Variants in RADIL observed in about 807,000 individuals in gnomAD.
RADIL encodes the protein Rap associating with DIL domain.
Under a neutral mutation model 97.6 loss-of-function variants are expected in RADIL, and 99 were observed. That is an observed-to-expected ratio of 1.01 (90% CI 0.86 to 1.20). RADIL has a LOEUF of 1.20. RADIL is among the 50% of genes most tolerant of loss of function. RADIL has a pLI of 0.00. For synonymous variants in RADIL, 803 were observed against 691.8 expected, an observed-to-expected ratio of 1.16 and a Z score of -2.52; for missense variants, 1,765 against 1,498.9, an observed-to-expected ratio of 1.18 and a Z score of -2.93.
chr7:4,839,991 C>T (rs1411510464), intron 2 of RADIL, among the ~76,000 whole-genome samples: 1 of 152,162 alleles, frequency 6.6e-6, no homozygotes, highest in African/African-American at 2.4e-5. Context: ...TCAAGTGATC[C>T]GCCCACCTCG....
chr7:4,824,979 G>A lies in RADIL; in HGVS notation c.1455-2425C>T, dbSNP rs1002761658. 3.3e-5 allele frequency among the ~76,000 whole-genome samples: 5 copies of A among 152,256 alleles called. No individual in the cohort carries two copies. In the South Asian group the frequency reaches 6.2e-4, roughly 19 times the overall value. Reference sequence around the variant, plus strand: ...CTCGGGCCAGGTTGGCACTGAACGCGCCCCCACCTGCCAACCTGGGGCCAT... The same window carrying A: ...CTCGGGCCAGGTTGGCACTGAACGCACCCCCACCTGCCAACCTGGGGCCAT... On this transcript the variant is annotated intron_variant, in intron 5 of 14. Coordinates refer to ENST00000399583, the MANE Select transcript of RADIL (RefSeq NM_018059.5). The surrounding 1 kb of genome is among the most constrained non-coding windows in gnomAD (Gnocchi z 6.7).
At chr7:4,805,048 T>C (rs529975588) in intron 10 of RADIL, among the ~76,000 whole-genome samples, 3 of 151,402 alleles carry the variant, frequency 2.0e-5, no homozygotes, top group Admixed American at 6.6e-5. Flanking sequence ...GAGCTGAGAT[T>C]GCACCACTGC....
At position 4,834,678 on chromosome 7, in the gene RADIL, T is replaced by G; in HGVS notation, c.1345A>C (p.Thr449Pro). Residue 449 changes from threonine (T) to proline (P), a missense_variant, in exon 4 of 15, where the codon ACC (threonine) becomes CCC (proline). Transcript: ENST00000399583. This position sits in a 1 kb window ranked among gnomAD's most constrained non-coding sequence, Gnocchi z 6.0. ...CCGAATGTGCCCGGCTGGAAGTGGG[T>G]GGCCGAGTGCTGGATGCAGAGGCAC... ...LLCLCIQHSA[T>P]HFQPGTFGQL... The G allele has an allele frequency of 7.3e-7, 1 of 1,376,384 alleles. No individual in the cohort carries two copies. 85.3% of individuals were successfully genotyped at this position (1,376,384 alleles called of 1,614,324 possible). A position where few individuals can be genotyped will look rare whatever the true frequency, so the allele number is the denominator to read the frequency against.
At chr7:4,844,118 A>G (rs1291371659) in intron 2 of RADIL, among the ~76,000 whole-genome samples, 1 of 152,086 alleles carries the variant, frequency 6.6e-6, no homozygotes, top group Non-Finnish European at 1.5e-5. Context: ...CCAGTACAAC[A>G]GGCAGGGAAA....
intron 13 of RADIL, 147 bp from the exon 14 acceptor site, chr7:4,799,916 G>C: frequency 1.6e-6 from 2 of 1,272,748 alleles, no homozygotes; most frequent in Non-Finnish European, 2.1e-6. Context: ...CTCCAGAAAA[G>C]CAGTGGACAC....
rs549427972 is a variant in RADIL, at chr7:4,871,961, C to G, written c.535+5644G>C. ...CTCTTTACAAAGTGCGCATCCAAAGCCACGGTGATGTCCCTGTCTCCAGGA... is the reference window on the plus strand; with the variant it reads ...CTCTTTACAAAGTGCGCATCCAAAGGCACGGTGATGTCCCTGTCTCCAGGA... On this transcript the variant is annotated intron_variant, in intron 2 of 14. Transcript: ENST00000399583. Among the ~76,000 whole-genome samples the G allele has an allele frequency of 2.0e-5, 3 of 152,312 alleles. No individual in the cohort carries two copies. The South Asian group carries it at 6.2e-4, about 32-fold the overall frequency.
In RADIL at chr7:4,880,775, A is replaced by C. The variant is rs1471440279; in HGVS notation, c.-64-2572T>G. Among the ~76,000 whole-genome samples, 1 of 152,180 alleles carries C rather than the reference A, an allele frequency of 6.6e-6. No homozygotes were observed. The highest frequency in any genetic ancestry group is 1.5e-5 in the Non-Finnish European group (1 of 68,032). On this transcript the variant is annotated intron_variant, in intron 1 of 14. Coordinates refer to ENST00000399583, the MANE Select transcript of RADIL (RefSeq NM_018059.5). This position sits in a 1 kb window ranked among gnomAD's most constrained non-coding sequence, Gnocchi z 4.5. ...AAGTCTGAATGCTGATATAAATACG[A>C]TACCAAAAACTGGGGAAGCCCCCTC...
Position 4,801,913 on chromosome 7 carries a change from C to T in RADIL, c.2582G>A (p.Arg861Gln), listed in dbSNP as rs966309842. 9.6e-6 allele frequency: 15 copies of T among 1,567,776 alleles called. No homozygotes were observed. The highest frequency in any genetic ancestry group is 2.3e-5 in the South Asian group (2 of 85,824). Residue 861 changes from arginine to glutamine, a missense_variant, in exon 12 of 15, where the codon CGG becomes CAG. By Grantham distance (43) the Arg-to-Gln change is conservative. Transcript: ENST00000399583. ...LAPRDPGPAA[R>Q]EVAPERTLPL... Reference sequence around the variant, plus strand: ...AAGAGTACGCTCCGGGGCCACTTCCCGGGCTGCTGGGCCAGGGTCCCTGGG... The same window carrying T: ...AAGAGTACGCTCCGGGGCCACTTCCTGGGCTGCTGGGCCAGGGTCCCTGGG...
At chr7:4,805,537 G>C in intron 10 of RADIL, 29 bp downstream of exon 10, 6 of 1,552,512 alleles carry the variant, frequency 3.9e-6, no homozygotes, top group Non-Finnish European at 5.2e-6. Context: ...TGAGTCCCCA[G>C]CCCTCTCCTG....
At position 4,880,112 on chromosome 7, in the gene RADIL, G is replaced by T. The variant is rs1048546748; in HGVS notation, c.-64-1909C>A. Among the ~76,000 whole-genome samples the T allele has an allele frequency of 6.6e-6, 1 of 152,180 alleles. No individual in the cohort carries two copies. The highest frequency in any genetic ancestry group is 2.4e-5 in the African/African-American group (1 of 41,448). On this transcript the variant is annotated intron_variant, in intron 1 of 14. Transcript: ENST00000399583. This position sits in a 1 kb window ranked among gnomAD's most constrained non-coding sequence, Gnocchi z 4.5. ...ACGGCAAAGGCTTTCGCTGTGCCTGGCTTTCTGAAGAGGTGAATTTGCTGT... is the reference window on the plus strand; with the variant it reads ...ACGGCAAAGGCTTTCGCTGTGCCTGTCTTTCTGAAGAGGTGAATTTGCTGT...
intron 2 of RADIL, among the ~76,000 whole-genome samples, chr7:4,875,148 T>C (rs185577549): frequency 0.048 from 6,412 of 133,772 alleles, 524 homozygotes; most frequent in African/African-American, 0.13. Flanking sequence ...GCCGAGATTG[T>C]GCCACTGCAC....
Position 4,816,270 on chromosome 7 carries a change from A to T in RADIL, c.1924T>A (p.Phe642Ile). ...VASQMLAYLF[F>I]FSGTLLLNQL... is the part of the protein sequence containing the mutation. ...TTGAGAAGCAGTGTCCCGGAGAAGAAGAAGAGGTAGGCGAGCATCTGCGAG... is the reference window on the plus strand; with the variant it reads ...TTGAGAAGCAGTGTCCCGGAGAAGATGAAGAGGTAGGCGAGCATCTGCGAG... Residue 642 changes from phenylalanine (F) to isoleucine (I), a missense_variant, in exon 8 of 15, where the codon TTC (phenylalanine) becomes ATC (isoleucine). Physicochemically the swap from Phe to Ile is conservative, Grantham distance 21 (BLOSUM62 0). Coordinates refer to ENST00000399583, the MANE Select transcript of RADIL (RefSeq NM_018059.5). 6.2e-7 allele frequency: 1 copy of T among 1,612,758 alleles called. No homozygotes were observed. Among genetic ancestry groups the T allele is most frequent in the Non-Finnish European group, 8.5e-7 (1 of 1,179,804 alleles).
chr7:4,875,749 C>T (rs2115051410), intron 2 of RADIL, among the ~76,000 whole-genome samples: 1 of 152,292 alleles, frequency 6.6e-6, no homozygotes, highest in Non-Finnish European at 1.5e-5. Context: ...CCATGCGCCT[C>T]CTCCCTTTCG....
In RADIL at chr7:4,837,620, C is replaced by T. The variant is rs942515480; in HGVS notation, c.536-1015G>A. Among the ~76,000 whole-genome samples the T allele has an allele frequency of 6.6e-6, 1 of 152,058 alleles. No individual in the cohort carries two copies. Among genetic ancestry groups the T allele is most frequent in the Non-Finnish European group, 1.5e-5 (1 of 68,010 alleles). ...AAAAATGCACACACACATGCACACA[C>T]ATGCACCCAAAAACACACATGCACA... On this transcript the variant is annotated intron_variant, in intron 2 of 14. Transcript: ENST00000399583. The surrounding 1 kb of genome is among the most constrained non-coding windows in gnomAD (Gnocchi z 5.6).
At position 4,849,790 on chromosome 7, in the gene RADIL, G is replaced by A. The variant is rs184702892; in HGVS notation, c.536-13185C>T. The stretch of plus-strand genomic sequence containing the variant: ...CACTCCTGCATACCTTTCTGCGTAC[G>A]CACAAAACGAACACAGATCACAATC... On this transcript the variant is annotated intron_variant, in intron 2 of 14. Transcript: ENST00000399583. The surrounding 1 kb of genome is among the most constrained non-coding windows in gnomAD (Gnocchi z 5.4). 2.0e-5 allele frequency among the ~76,000 whole-genome samples: 3 copies of A among 152,198 alleles called. No homozygotes were observed. The highest frequency in any genetic ancestry group is 6.5e-5 in the Admixed American group (1 of 15,296).
At position 4,855,146 on chromosome 7, in the gene RADIL, A is replaced by G. The variant is rs1344243953; in HGVS notation, c.536-18541T>C. Among the ~76,000 whole-genome samples the G allele has an allele frequency of 2.0e-5, 3 of 152,218 alleles. No homozygotes were observed. In the East Asian group the frequency reaches 5.8e-4, roughly 29 times the overall value. ...ACTTTATGGTATTTATTGCATGAAT[A>G]TGCCACCATCCAGCCATTCCCTCAT... On this transcript the variant is annotated intron_variant, in intron 2 of 14. Coordinates refer to ENST00000399583, the MANE Select transcript of RADIL (RefSeq NM_018059.5).
intron 2 of RADIL, among the ~76,000 whole-genome samples, chr7:4,847,162 G>A (rs1042298092): frequency 6.6e-6 from 1 of 151,792 alleles, no homozygotes; most frequent in East Asian, 1.9e-4. Context: ...CTCTACTAAA[G>A]ATACAAAAAT....
In RADIL at chr7:4,822,717, C is replaced by A. The variant is rs546459187; in HGVS notation, c.1455-163G>T. 6.6e-6 allele frequency among the ~76,000 whole-genome samples: 1 copy of A among 152,102 alleles called. No homozygotes were observed. Among genetic ancestry groups the A allele is most frequent in the African/African-American group, 2.4e-5 (1 of 41,414 alleles). On this transcript the variant is annotated intron_variant, in intron 5 of 14. Transcript: ENST00000399583. The surrounding 1 kb of genome is among the most constrained non-coding windows in gnomAD (Gnocchi z 5.3). ...CGGGGACGTTTAACAATACGTGTACCCGCCTGGCACCTGCCTACAACACCC... is the reference window on the plus strand; with the variant it reads ...CGGGGACGTTTAACAATACGTGTACACGCCTGGCACCTGCCTACAACACCC...
rs1781969834 is a variant in RADIL at position 4,798,080 on chromosome 7, AATTAT to A, written c.*1293_*1297del. 6.7e-6 allele frequency: 1 copy of A among 148,184 alleles called. No homozygotes were observed. Among genetic ancestry groups the A allele is most frequent in the Non-Finnish European group, 1.5e-5 (1 of 67,250 alleles). The allele number at this position is 148,184 out of a possible 1,614,324, so 9.2% of individuals were successfully genotyped here. On this transcript the variant is annotated 3_prime_UTR_variant, in exon 15 of 15. Coordinates refer to ENST00000399583, the MANE Select transcript of RADIL (RefSeq NM_018059.5). ...ATGAATATGTAATATATTCATATATAATTATATATTTATATATATTCATATATTTT... is the reference window on the plus strand; with the variant it reads ...ATGAATATGTAATATATTCATATATAATATTTATATATATTCATATATTTT...
Sources: allele counts gnomAD v4.1 joint callset (sites outside exome capture counted in the v4.1 genomes callset), GRCh38; gene constraint gnomAD v4.1.1; non-coding constraint Gnocchi (gnomAD v3.1); transcripts MANE v1.5; gene names NCBI Gene and HGNC (gene_info 2026-07-23, HGNC 2026-07-21).